LRIG3: variants seen among roughly 807,000 people sequenced by gnomAD.
LRIG3 encodes leucine rich repeats and immunoglobulin like domains 3, also known as leucine-rich repeats and immunoglobulin-like domains protein 3.
Under a neutral mutation model 114.5 loss-of-function variants are expected in LRIG3, and 76 were observed. The observed-to-expected ratio is 0.66, with a 90% CI of 0.55 to 0.80. LRIG3 has a LOEUF of 0.80. Among genes scored for constraint, LRIG3 ranks in the 30% least tolerant of loss-of-function variants. LRIG3 has a pLI of 0.00. For synonymous variants in LRIG3, 512 were observed against 519.8 expected, an observed-to-expected ratio of 0.98 and a Z score of 0.20; for missense variants, 1,239 against 1,382.8, an observed-to-expected ratio of 0.90 and a Z score of 1.65.
rs1412456299 is a variant in LRIG3, at chr12:58,920,100, G to C, written c.136C>G (p.Pro46Ala). The C allele has an allele frequency of 1.3e-6, 2 of 1,552,302 alleles. No individual in the cohort carries two copies. Among genetic ancestry groups the C allele is most frequent in the East Asian group, 2.4e-5 (1 of 41,732 alleles). ...GQPSGVAAERPCPTTCRCLGD... is the reference protein window; with the variant it reads ...GQPSGVAAERACPTTCRCLGD... ...AGGCAGCGGCAGGTAGTGGGGCATG[G>C]GCGCTCGGCGGCTACCCCAGAGGGC... Residue 46 changes from proline to alanine, a missense_variant, in exon 1 of 19, where the codon CCA (proline) becomes GCA (alanine). Transcript: ENST00000320743.
intron 15 of LRIG3, among the ~76,000 whole-genome samples, chr12:58,876,961 C>T (rs1870943137): frequency 6.6e-6 from 1 of 152,102 alleles, no homozygotes; most frequent in Non-Finnish European, 1.5e-5. Flanking sequence ...CTTAATATTA[C>T]TAATCAATAT....
intron 16 of LRIG3, among the ~76,000 whole-genome samples, chr12:58,875,641 A>G (rs1256508168): frequency 6.6e-6 from 1 of 152,238 alleles, no homozygotes; most frequent in Non-Finnish European, 1.5e-5. Flanking sequence ...CCCACAGTAC[A>G]TGCAGTAAGT....
At position 58,885,878 on chromosome 12, in the gene LRIG3, A is replaced by T. The variant is rs11172796; in HGVS notation, c.1197T>A (p.Arg399=). The change falls in exon 10 of 19, where the codon CGT becomes CGA. Residue 399 remains arginine, a synonymous_variant. Coordinates refer to ENST00000320743, the MANE Select transcript of LRIG3 (RefSeq NM_153377.5). ...RRLILQGNRI[R]SITKKAFTGL... ...CAGTGAAGGCTTTTTTAGTAATAGA[A>T]CGGATCCGATTTCCTTGGAGTATCC... is the stretch of plus-strand genomic sequence containing the variant. 0.1 allele frequency: 162,689 copies of T among 1,585,378 alleles called. 10,980 individuals carry two copies. The highest frequency in any genetic ancestry group is 0.34 in the African/African-American group (24,805 of 73,988).
chr12:58,897,833 TTTC>T (rs747009191), intron 3 of LRIG3, among the ~76,000 whole-genome samples: 4 of 152,234 alleles, frequency 2.6e-5, no homozygotes, highest in Non-Finnish European at 5.9e-5. Flanking sequence ...ATTTTTACTG[TTTC>T]TTTTTTGGGG....
chr12:58,877,948 A>T, intron 14 of LRIG3, 96 bp from the exon 15 acceptor site: 1 of 1,245,024 alleles, frequency 8.0e-7, no homozygotes, highest in South Asian at 1.6e-5. Flanking sequence ...GTAACCTAAA[A>T]TTTTATTCTC....
intron 3 of LRIG3, 96 bp from the exon 4 acceptor site, chr12:58,890,892 T>A (rs1871435886): frequency 8.3e-7 from 1 of 1,201,462 alleles, no homozygotes; most frequent in Non-Finnish European, 1.2e-6. Flanking sequence ...TTCAGAAATA[T>A]GGAACTGACT....
At chr12:58,918,310 T>A (rs184238438) in intron 1 of LRIG3, among the ~76,000 whole-genome samples, 37 of 152,298 alleles carry the variant, frequency 2.4e-4, no homozygotes, top group African/African-American at 8.7e-4. Context: ...CAAAACAAAA[T>A]CCTAATTAGG....
chr12:58,890,713 T>C lies in LRIG3; in HGVS notation c.467A>G (p.Asn156Ser). The C allele has an allele frequency of 5.0e-6, 8 of 1,607,904 alleles. No individual in the cohort carries two copies. Among genetic ancestry groups the C allele is most frequent in the South Asian group, 1.1e-5 (1 of 89,428 alleles). ...AAATGCAGTTTGGAGCTCTGAAATA[T>C]TGTTGCTGCTAAGGTCCAAAGTTTC... ...SLETLDLSSNNISELQTAFPA... is the reference protein window; with the variant it reads ...SLETLDLSSNSISELQTAFPA... The change falls in exon 4 of 19, where the codon AAT becomes AGT. Residue 156 changes from asparagine to serine, a missense_variant. Transcript: ENST00000320743.
At chr12:58,878,721 A>G (rs1871013577) in intron 14 of LRIG3, 103 bp downstream of exon 14, 1 of 1,339,270 alleles carries the variant, frequency 7.5e-7, no homozygotes, top group African/African-American at 1.5e-5. Context: ...TGCCCCATAC[A>G]TCTTCATCTC....
At chr12:58,919,215 G>T (rs1872582593) in intron 1 of LRIG3, among the ~76,000 whole-genome samples, 1 of 152,172 alleles carries the variant, frequency 6.6e-6, no homozygotes. Context: ...TTTCTTCCTT[G>T]TTCTTCACGC....
intron 2 of LRIG3, 78 bp from the exon 3 acceptor site, chr12:58,914,134 A>G: frequency 6.5e-7 from 1 of 1,536,176 alleles, no homozygotes. Flanking sequence ...AACTTTACAT[A>G]TTATTTCAAG....
chr12:58,916,609 A>C (rs1872491057), intron 1 of LRIG3, among the ~76,000 whole-genome samples: 1 of 152,198 alleles, frequency 6.6e-6, no homozygotes, highest in African/African-American at 2.4e-5. Flanking sequence ...TCAATAAGAA[A>C]GGCAGATTCT....
At chr12:58,919,951 C>G (rs988047625) in intron 1 of LRIG3, 49 bp downstream of exon 1, 6 of 1,516,862 alleles carry the variant, frequency 4.0e-6, no homozygotes, top group Admixed American at 2.0e-5. Flanking sequence ...CCTGTTTTCT[C>G]GAATCTCCAG....
intron 3 of LRIG3, among the ~76,000 whole-genome samples, chr12:58,895,652 C>A (rs944398522): frequency 1.3e-5 from 2 of 151,982 alleles, no homozygotes; most frequent in Admixed American, 1.3e-4. Flanking sequence ...GGGGAGGGGG[C>A]CAGAGGATGT....
intron 10 of LRIG3, among the ~76,000 whole-genome samples, chr12:58,885,209 G>T (rs1455415272): frequency 6.6e-6 from 1 of 151,990 alleles, no homozygotes; most frequent in Non-Finnish European, 1.5e-5. Context: ...CGAAACAAAA[G>T]AAAACAACAA....
chr12:58,913,854 G>GT, intron 3 of LRIG3, 128 bp downstream of exon 3: 1 of 716,926 alleles, frequency 1.4e-6, no homozygotes, highest in Middle Eastern at 2.7e-4. Flanking sequence ...TTTAAAGCGC[G>GT]TATCTTTACT....
At chr12:58,893,322 A>G (rs1267882056) in intron 3 of LRIG3, among the ~76,000 whole-genome samples, 2 of 152,254 alleles carry the variant, frequency 1.3e-5, no homozygotes, top group African/African-American at 4.8e-5. Context: ...AATCCAAGTC[A>G]TCAGAAAATC....
chr12:58,875,080 C>T (rs1278997006), intron 16 of LRIG3, among the ~76,000 whole-genome samples: 15 of 152,176 alleles, frequency 9.9e-5, no homozygotes, highest in Admixed American at 9.8e-4. Flanking sequence ...ACGCATGTGT[C>T]TGGGAAGCAG....
At chr12:58,911,045 T>A (rs935676760) in intron 3 of LRIG3, among the ~76,000 whole-genome samples, 1 of 152,144 alleles carries the variant, frequency 6.6e-6, no homozygotes, top group Non-Finnish European at 1.5e-5. Context: ...GAGAGAAAAA[T>A]TTAAAAAACA....
Sources: allele counts gnomAD v4.1 joint callset (sites outside exome capture counted in the v4.1 genomes callset), GRCh38; gene constraint gnomAD v4.1.1; transcripts MANE v1.5; gene names NCBI Gene and HGNC (gene_info 2026-07-23, HGNC 2026-07-21).